DHRS7B: variants seen among roughly 807,000 people sequenced by gnomAD.
DHRS7B encodes dehydrogenase/reductase 7B, also known as peroxisomal reductase activating PPAR-gamma.
A neutral mutation model predicts 26.4 loss-of-function variants in DHRS7B; 24 were observed. The observed-to-expected ratio is 0.91, with a 90% CI of 0.66 to 1.28. DHRS7B has a LOEUF of 1.28. Among genes scored for constraint, DHRS7B ranks in the 50% most tolerant of loss-of-function variants. The pLI is 0.00. For missense variants in DHRS7B, 368 were observed against 419.4 expected, an observed-to-expected ratio of 0.88 and a Z score of 1.07; for synonymous variants, 142 against 166.4, an observed-to-expected ratio of 0.85 and a Z score of 1.13.
chr17:21,141,640 A>AAAAGAAAAG, intron 1 of DHRS7B, among the ~76,000 whole-genome samples: 1 of 90,078 alleles, frequency 1.1e-5, no homozygotes, highest in Non-Finnish European at 2.1e-5. Context: ...AAAAAAAAAA[A>AAAAGAAAAG]CAACCTCATC....
intron 1 of DHRS7B, among the ~76,000 whole-genome samples, chr17:21,142,686 C>G (rs1222305810): frequency 6.6e-6 from 1 of 151,964 alleles, no homozygotes; most frequent in African/African-American, 2.4e-5. Flanking sequence ...CCCCTCACCC[C>G]CCTCCCCCGC....
At chr17:21,163,144 C>T (rs904367459) in intron 1 of DHRS7B, among the ~76,000 whole-genome samples, 7 of 150,982 alleles carry the variant, frequency 4.6e-5, no homozygotes, top group Admixed American at 2.0e-4. Context: ...TGCAGTGAAC[C>T]GAGATCGCGC....
intron 1 of DHRS7B, among the ~76,000 whole-genome samples, chr17:21,138,093 T>TACAC (rs1199383924): frequency 0.1 from 8,037 of 77,676 alleles, 429 homozygotes; most frequent in Non-Finnish European, 0.13. Context: ...TATATATATA[T>TACAC]ATATATATAC....
intron 1 of DHRS7B, among the ~76,000 whole-genome samples, chr17:21,155,159 C>G (rs1029228968): frequency 2.6e-5 from 4 of 152,154 alleles, no homozygotes; most frequent in Non-Finnish European, 5.9e-5. Flanking sequence ...CTTTAAATGT[C>G]AGTGGTTTTG....
chr17:21,163,341 C>T (rs1394340200), intron 1 of DHRS7B, among the ~76,000 whole-genome samples: 1 of 152,100 alleles, frequency 6.6e-6, no homozygotes, highest in Non-Finnish European at 1.5e-5. Flanking sequence ...TATTTTACTT[C>T]TTGAGTCTTT....
At chr17:21,178,657 G>GT (rs373480205) in intron 3 of DHRS7B, among the ~76,000 whole-genome samples, 2,637 of 134,702 alleles carry the variant, frequency 0.02, 43 homozygotes, top group African/African-American at 0.044. Flanking sequence ...TTTAAAAGGT[G>GT]TTTTTTTTTT....
chr17:21,171,394 G>A (rs1974243065), intron 1 of DHRS7B, among the ~76,000 whole-genome samples: 1 of 152,232 alleles, frequency 6.6e-6, no homozygotes, highest in Admixed American at 6.5e-5. Context: ...GGGGCAGCAC[G>A]CTCACCGGCC....
At chr17:21,142,719 C>A (rs1973546130) in intron 1 of DHRS7B, among the ~76,000 whole-genome samples, 1 of 145,016 alleles carries the variant, frequency 6.9e-6, no homozygotes, top group East Asian at 2.3e-4. Flanking sequence ...CTGGGGGCTT[C>A]CAGGTCACAG....
intron 3 of DHRS7B, among the ~76,000 whole-genome samples, chr17:21,182,862 T>C (rs954004229): frequency 6.6e-6 from 1 of 152,254 alleles, no homozygotes; most frequent in African/African-American, 2.4e-5. Context: ...TCTTGTGATA[T>C]CTTTAATCTG....
chr17:21,158,878 C>T (rs891044822), intron 1 of DHRS7B, among the ~76,000 whole-genome samples: 1 of 151,666 alleles, frequency 6.6e-6, no homozygotes, highest in South Asian at 2.1e-4. Flanking sequence ...CAGAAATAGA[C>T]TCACATAAAT....
intron 2 of DHRS7B, among the ~76,000 whole-genome samples, chr17:21,173,792 C>T (rs1974313485): frequency 6.6e-6 from 1 of 152,214 alleles, no homozygotes; most frequent in African/African-American, 2.4e-5. Flanking sequence ...TCAGCAGCCA[C>T]TTCTCTTGAG....
chr17:21,186,043 C>T (rs1199800308), intron 5 of DHRS7B, among the ~76,000 whole-genome samples: 1 of 152,196 alleles, frequency 6.6e-6, no homozygotes, highest in Non-Finnish European at 1.5e-5. Flanking sequence ...AATAATACCA[C>T]TGATTTTTGT....
chr17:21,133,154 T>C (rs1013026300), intron 1 of DHRS7B, among the ~76,000 whole-genome samples: 4 of 152,230 alleles, frequency 2.6e-5, no homozygotes, highest in South Asian at 2.1e-4. Context: ...GTAATTGTTA[T>C]TAATATTTTT....
At position 21,131,251 on chromosome 17, in the gene DHRS7B, C is replaced by T. The variant is rs553952607; in HGVS notation, c.20+4260C>T. ...AGCAGCCCTGAGGGCTGCTGGCTGG[C>T]CACTTTTATGGTCATTTCCTGATTA... On this transcript the variant is annotated intron_variant, in intron 1 of 6. Transcript: ENST00000395511. Among the ~76,000 whole-genome samples, 8 of 152,300 alleles carry T rather than the reference C, an allele frequency of 5.3e-5. No homozygotes were observed. The South Asian group carries it at 6.2e-4, about 12-fold the overall frequency.
At position 21,150,117 on chromosome 17, in the gene DHRS7B, A is replaced by AACAAAAC. The variant is rs1555537195; in HGVS notation, c.21-21900_21-21899insCAAAACA. ...CTCCATCTCTATTTAAAAAAAAAAA[A>AACAAAAC]AAAAAAAAAAAAAAACTAAGGCATA... On this transcript the variant is annotated intron_variant, in intron 1 of 6. Coordinates refer to ENST00000395511, the MANE Select transcript of DHRS7B (RefSeq NM_015510.5). Among the ~76,000 whole-genome samples the AACAAAAC allele has an allele frequency of 4.2e-5, 6 of 141,882 alleles. No individual in the cohort carries two copies. The East Asian group carries it at 1.0e-3, about 24-fold the overall frequency. The allele number at this position is 141,882 out of a possible 152,430, so 93.1% of individuals were successfully genotyped here.
chr17:21,191,291 C>G lies in DHRS7B; in HGVS notation c.*138C>G, dbSNP rs1026148035. 15 of 868,056 alleles carry G rather than the reference C, an allele frequency of 1.7e-5. No homozygotes were observed. Among genetic ancestry groups the G allele is most frequent in the Middle Eastern group, 7.0e-4 (2 of 2,840 alleles). 53.8% of individuals were successfully genotyped at this position (868,056 alleles called of 1,614,324 possible). ...AAAGACTGAAGAAACACATCTCGTG[C>G]AGATCTGCTGGCAGAGGACAATCAA... On this transcript the variant is annotated 3_prime_UTR_variant, in exon 7 of 7. Coordinates refer to ENST00000395511, the MANE Select transcript of DHRS7B (RefSeq NM_015510.5).
intron 1 of DHRS7B, among the ~76,000 whole-genome samples, chr17:21,153,157 C>A (rs570454731): frequency 6.6e-6 from 1 of 152,010 alleles, no homozygotes; most frequent in South Asian, 2.1e-4. Flanking sequence ...GAAAAGTAGA[C>A]AACATGCAAG....
chr17:21,136,667 T>G (rs1433900088), intron 1 of DHRS7B, among the ~76,000 whole-genome samples: 1 of 152,082 alleles, frequency 6.6e-6, no homozygotes, highest in East Asian at 1.9e-4. Flanking sequence ...TTCATTCTCC[T>G]GCCTCAGACT....
At chr17:21,163,034 A>G (rs1372670260) in intron 1 of DHRS7B, among the ~76,000 whole-genome samples, 1 of 152,008 alleles carries the variant, frequency 6.6e-6, no homozygotes, top group Non-Finnish European at 1.5e-5. Flanking sequence ...CGTCTCTACT[A>G]AAAACACAAA....
Sources: gnomAD v4.1 joint callset for allele counts (sites outside exome capture counted in the v4.1 genomes callset) on GRCh38, gnomAD v4.1.1 for gene constraint, MANE v1.5 for transcripts, NCBI Gene and HGNC (gene_info 2026-07-23, HGNC 2026-07-21) for gene names.